Variants in PARN observed in about 807,000 individuals in gnomAD.
PARN encodes the protein poly(A)-specific ribonuclease PARN.
Under a neutral mutation model 102.8 loss-of-function variants are expected in PARN, and 71 were observed. The ratio of observed to expected loss-of-function variants is 0.69; its 90% CI spans 0.57 to 0.84. The LOEUF (loss-of-function observed/expected upper bound fraction) is 0.84, where lower values mean the gene tolerates loss of function less well. Ranked by LOEUF, PARN falls within the 40% of genes least tolerant of loss-of-function variation. The pLI is 0.00. For missense variants in PARN, 782 were observed against 760.9 expected, an observed-to-expected ratio of 1.03 and a Z score of -0.33; for synonymous variants, 261 against 252.9, an observed-to-expected ratio of 1.03 and a Z score of -0.30.
chr16:14,519,388 T>C (rs1474067508), intron 21 of PARN, among the ~76,000 whole-genome samples: 2 of 150,972 alleles, frequency 1.3e-5, no homozygotes, highest in Admixed American at 1.3e-4. Context: ...CTGAGCTCTG[T>C]CTGTTGTAAA....
intron 22 of PARN, among the ~76,000 whole-genome samples, chr16:14,457,188 G>A (rs1202350854): frequency 6.6e-6 from 1 of 152,110 alleles, no homozygotes; most frequent in East Asian, 1.9e-4. Flanking sequence ...CCAGTGTATG[G>A]GCAGCTTCTC....
At chr16:14,509,806 TACATCTTTGGC>T (rs1477496243) in intron 21 of PARN, among the ~76,000 whole-genome samples, 1 of 152,242 alleles carries the variant, frequency 6.6e-6, no homozygotes. Flanking sequence ...CTTCAAGGAA[TACATCTTTGGC>T]ACTGAATTTC....
At chr16:14,531,253 G>A (rs1305391998) in intron 21 of PARN, among the ~76,000 whole-genome samples, 1 of 152,070 alleles carries the variant, frequency 6.6e-6, no homozygotes, top group Non-Finnish European at 1.5e-5. Flanking sequence ...GCTGAGGCAG[G>A]AGAATTGCTA....
Position 14,435,880 on chromosome 16 carries a change from G to A in PARN, c.*837C>T, listed in dbSNP as rs1960659368. The A allele has an allele frequency of 6.9e-6, 1 of 145,848 alleles. No homozygotes were observed. The highest frequency in any genetic ancestry group is 1.5e-5 in the Non-Finnish European group (1 of 67,568). 9.0% of individuals were successfully genotyped at this position (145,848 alleles called of 1,614,324 possible). On this transcript the variant is annotated 3_prime_UTR_variant, in exon 24 of 24. Transcript: ENST00000437198. The stretch of plus-strand genomic sequence containing the variant: ...AACGGAGAATGGGCTGGGACATGTT[G>A]TAGATTTGCACGATTTCACACACAC...
Position 14,627,345 on chromosome 16 carries a change from G to T in PARN, c.178-9C>A, listed in dbSNP as rs779459015. On this transcript the variant is annotated splice_polypyrimidine_tract_variant and intron_variant, in intron 3 of 23. Transcript: ENST00000437198. ...AAAAAGTCCATGGAATGCTGGAAAA[G>T]GGAAATAAAACATCTGTCACAAAAG... 17 of 1,574,954 alleles carry T rather than the reference G, an allele frequency of 1.1e-5. No homozygotes were observed. The highest frequency in any genetic ancestry group is 2.3e-5 in the East Asian group (1 of 43,574).
chr16:14,510,360 A>G (rs1175682325), intron 21 of PARN, among the ~76,000 whole-genome samples: 2 of 152,230 alleles, frequency 1.3e-5, no homozygotes, highest in East Asian at 3.8e-4. Context: ...CATATAAAAT[A>G]TCCAATGTAC....
At chr16:14,611,592 A>C (rs1474500772) in intron 6 of PARN, among the ~76,000 whole-genome samples, 2 of 152,124 alleles carry the variant, frequency 1.3e-5, no homozygotes, top group Non-Finnish European at 2.9e-5. Flanking sequence ...CCAGGCTGGC[A>C]TGCAATGGCA....
chr16:14,516,145 ATAAT>A (rs763507244), intron 21 of PARN, among the ~76,000 whole-genome samples: 28 of 152,072 alleles, frequency 1.8e-4, no homozygotes, highest in Non-Finnish European at 3.7e-4. Flanking sequence ...AGAGAAACAG[ATAAT>A]TAAAAGATAA....
intron 18 of PARN, among the ~76,000 whole-genome samples, chr16:14,580,338 A>AG (rs2151748197): frequency 6.6e-6 from 1 of 151,422 alleles, no homozygotes; most frequent in African/African-American, 2.4e-5. Context: ...CCCAGGCTGC[A>AG]GTGCAGTGGT....
In PARN at chr16:14,469,085, G is replaced by A. The variant is rs1962556199; in HGVS notation, c.1670+13553C>T. ...GGTCGAGGTGGGTGGGTCATCTGAG[G>A]TTAGGAATTCAAGACCAGCCTGGCC... On this transcript the variant is annotated intron_variant, in intron 22 of 23. Coordinates refer to ENST00000437198, the MANE Select transcript of PARN (RefSeq NM_002582.4). Among the ~76,000 whole-genome samples the A allele has an allele frequency of 2.6e-5, 4 of 152,200 alleles. No homozygotes were observed. The South Asian group carries it at 6.2e-4, about 24-fold the overall frequency.
intron 21 of PARN, among the ~76,000 whole-genome samples, chr16:14,506,090 T>C (rs1443610736): frequency 6.6e-6 from 1 of 152,218 alleles, no homozygotes; most frequent in Non-Finnish European, 1.5e-5. Context: ...TGTGATGCAC[T>C]GAAAAGAGCA....
At chr16:14,620,895 G>A (rs1340313755) in intron 5 of PARN, among the ~76,000 whole-genome samples, 2 of 152,094 alleles carry the variant, frequency 1.3e-5, no homozygotes, top group Non-Finnish European at 2.9e-5. Flanking sequence ...ATACCATAGT[G>A]ATTGTATCAT....
At chr16:14,588,062 A>G (rs915375105) in intron 13 of PARN, among the ~76,000 whole-genome samples, 2 of 152,230 alleles carry the variant, frequency 1.3e-5, no homozygotes, top group African/African-American at 4.8e-5. Context: ...AGAGATGTAC[A>G]ATGTTCTGTG....
intron 21 of PARN, among the ~76,000 whole-genome samples, chr16:14,492,346 C>T (rs1301994563): frequency 1.3e-5 from 2 of 152,298 alleles, no homozygotes; most frequent in Non-Finnish European, 1.5e-5. Flanking sequence ...GGAAAGGAAG[C>T]AGGCTCAGAG....
At position 14,582,172 on chromosome 16, in the gene PARN, A is replaced by G. The variant is rs763317302; in HGVS notation, c.1192+9T>C. 5.9e-6 allele frequency: 9 copies of G among 1,531,830 alleles called. No individual in the cohort carries two copies. Among genetic ancestry groups the G allele is most frequent in the Middle Eastern group, 3.4e-4 (2 of 5,916 alleles). 94.9% of individuals were successfully genotyped at this position (1,531,830 alleles called of 1,614,324 possible). A position where few individuals can be genotyped will look rare whatever the true frequency, so the allele number is the denominator to read the frequency against. ...CTGCGTGTTTGACTGAAAGACATGTAATGCGTACCTAGGTAATTGGCCATG... is the reference window on the plus strand; with the variant it reads ...CTGCGTGTTTGACTGAAAGACATGTGATGCGTACCTAGGTAATTGGCCATG... On this transcript the variant is annotated intron_variant, in intron 17 of 23. Coordinates refer to ENST00000437198, the MANE Select transcript of PARN (RefSeq NM_002582.4).
intron 22 of PARN, among the ~76,000 whole-genome samples, chr16:14,456,777 G>A (rs1177781448): frequency 6.6e-6 from 1 of 152,184 alleles, no homozygotes; most frequent in African/African-American, 2.4e-5. Flanking sequence ...CCTAGGGCCA[G>A]CTCTCCTCAC....
intron 18 of PARN, among the ~76,000 whole-genome samples, chr16:14,576,591 G>A (rs975217980): frequency 3.9e-5 from 6 of 152,166 alleles, no homozygotes; most frequent in Non-Finnish European, 8.8e-5. Flanking sequence ...TTTGACCAAA[G>A]GATCTTAACA....
chr16:14,438,696 T>C (rs1960818959), intron 23 of PARN, among the ~76,000 whole-genome samples: 1 of 152,238 alleles, frequency 6.6e-6, no homozygotes, highest in South Asian at 2.1e-4. Context: ...ACGCTAGGTC[T>C]CTTCCCCTAA....
At chr16:14,598,691 G>C (rs1367449892) in intron 12 of PARN, among the ~76,000 whole-genome samples, 1 of 152,186 alleles carries the variant, frequency 6.6e-6, no homozygotes, top group Non-Finnish European at 1.5e-5. Flanking sequence ...AGCAAGAGAA[G>C]TCCTCGTGAG....
Sources: gnomAD v4.1 joint callset for allele counts (sites outside exome capture counted in the v4.1 genomes callset) on GRCh38, gnomAD v4.1.1 for gene constraint, MANE v1.5 for transcripts, NCBI Gene and HGNC (gene_info 2026-07-23, HGNC 2026-07-21) for gene names.